FLNB: variants seen among roughly 807,000 people sequenced by gnomAD.
FLNB encodes filamin-B.
A neutral mutation model predicts 250.6 loss-of-function variants in FLNB; 111 were observed. That is an observed-to-expected ratio of 0.44 (90% CI 0.38 to 0.52). The LOEUF is 0.52. Ranked by LOEUF, FLNB falls within the 20% of genes least tolerant of loss-of-function variation. FLNB has a pLI of 0.00. For synonymous variants in FLNB, 1,302 were observed against 1,372.1 expected (o/e 0.95, Z 1.13); for missense variants, 2,869 against 3,447.8 (o/e 0.83, Z 4.20).
In FLNB at chr3:58,143,514, A is replaced by G. The variant is rs2097330706; in HGVS notation, c.5326A>G (p.Ile1776Val). The change falls in exon 32 of 46, where the codon ATT becomes GTT. Residue 1776 changes from isoleucine to valine, a missense_variant. Transcript: ENST00000295956. The stretch of plus-strand genomic sequence containing the variant: ...TTCTGGGAAGACAGCCACACCTGAG[A>G]TTGTGGACAACAAGGACGGCACGGT... ...MPSGKTATPE[I>V]VDNKDGTVTV... The G allele has an allele frequency of 5.0e-6, 8 of 1,614,108 alleles. No individual in the cohort carries two copies. Among genetic ancestry groups the G allele is most frequent in the Non-Finnish European group, 6.8e-6 (8 of 1,180,004 alleles).
intron 1 of FLNB, among the ~76,000 whole-genome samples, chr3:58,041,816 G>A (rs1161234673): frequency 1.3e-5 from 2 of 152,104 alleles, no homozygotes; most frequent in Non-Finnish European, 2.9e-5. Flanking sequence ...TCCCTTAGGA[G>A]GGAAGCTTCC....
chr3:58,147,312 A>C (rs1012445820), intron 34 of FLNB, among the ~76,000 whole-genome samples: 2 of 152,246 alleles, frequency 1.3e-5, no homozygotes, highest in African/African-American at 4.8e-5. Context: ...GAAGTGCATG[A>C]GCTTAGACAT....
intron 4 of FLNB, 51 bp downstream of exon 4, chr3:58,081,827 G>C: frequency 6.3e-7 from 1 of 1,599,268 alleles, no homozygotes; most frequent in Non-Finnish European, 8.6e-7. Context: ...TCTGGTGTTG[G>C]AGATGATTTC....
chr3:58,075,427 T>C (rs535048414), intron 1 of FLNB, among the ~76,000 whole-genome samples: 3 of 152,036 alleles, frequency 2.0e-5, no homozygotes, highest in Non-Finnish European at 4.4e-5. Flanking sequence ...AGAGAACATG[T>C]GAAGAGGTCC....
rs1392622499 is a variant in FLNB at position 58,155,962 on chromosome 3, A to G, written c.6775A>G (p.Asn2259Asp). ...GVSYIAQEPG[N>D]YEVSIKFNDE... Reference sequence around the variant, plus strand: ...ATGGGACTTTCCTGTCCTCATAGGTAACTACGAGGTGTCCATCAAGTTCAA... The same window carrying G: ...ATGGGACTTTCCTGTCCTCATAGGTGACTACGAGGTGTCCATCAAGTTCAA... The change falls in exon 41 of 46, where the codon AAC becomes GAC. Residue 2259 changes from asparagine to aspartate, a missense_variant and splice_region_variant. Around this residue, in one of 5 missense-constraint regions of FLNB, gnomAD observed 1,084 missense variants for 1,315.5 expected, o/e 0.82. Coordinates refer to ENST00000295956, the MANE Select transcript of FLNB (RefSeq NM_001457.4). 1 of 1,607,748 alleles carries G rather than the reference A, an allele frequency of 6.2e-7. No homozygotes were observed. Among genetic ancestry groups the G allele is most frequent in the Non-Finnish European group, 8.5e-7 (1 of 1,174,242 alleles).
chr3:58,141,855 C>G lies in FLNB; in HGVS notation c.5110-3C>G. The G allele has an allele frequency of 6.2e-7, 1 of 1,613,984 alleles. No homozygotes were observed. The highest frequency in any genetic ancestry group is 1.1e-5 in the South Asian group (1 of 91,082). On this transcript the variant is annotated splice_region_variant and splice_polypyrimidine_tract_variant and intron_variant, in intron 29 of 45. Transcript: ENST00000295956. Reference sequence around the variant, plus strand: ...CAACTAATCTCCATTTGCCACTGACCAGGCCACAGATGGGGAAGTCACAGC... The same window carrying G: ...CAACTAATCTCCATTTGCCACTGACGAGGCCACAGATGGGGAAGTCACAGC...
intron 4 of FLNB, among the ~76,000 whole-genome samples, chr3:58,084,815 G>A (rs974255310): frequency 1.3e-5 from 2 of 151,924 alleles, no homozygotes; most frequent in East Asian, 1.9e-4. Context: ...CTGTCTCTAT[G>A]AATTTGCTTA....
intron 3 of FLNB, among the ~76,000 whole-genome samples, chr3:58,081,028 A>G (rs57337941): frequency 0.17 from 25,226 of 151,824 alleles, 4,586 homozygotes; most frequent in African/African-American, 0.43. Context: ...TCCTGACCTC[A>G]AGTGATTTCT....
intron 21 of FLNB, 141 bp from the exon 22 acceptor site, chr3:58,124,191 G>C: frequency 1.2e-6 from 1 of 851,672 alleles, no homozygotes; most frequent in South Asian, 1.4e-5. Context: ...TAATATTCTT[G>C]ATTTGAGAGT....
chr3:58,100,725 A>G (rs1427927722), intron 8 of FLNB, among the ~76,000 whole-genome samples: 1 of 150,988 alleles, frequency 6.6e-6, no homozygotes, highest in South Asian at 2.1e-4. Flanking sequence ...CCACCTGAGT[A>G]GCTGGGACTA....
chr3:58,020,829 T>C (rs1413221197), intron 1 of FLNB, among the ~76,000 whole-genome samples: 1 of 151,670 alleles, frequency 6.6e-6, no homozygotes, highest in Admixed American at 6.6e-5. Context: ...GCAGGCACTA[T>C]GTAAATTTGC....
intron 35 of FLNB, 126 bp downstream of exon 35, chr3:58,148,490 C>A: frequency 7.8e-7 from 1 of 1,289,398 alleles, no homozygotes; most frequent in Non-Finnish European, 1.1e-6. Flanking sequence ...CTGGGTCACA[C>A]GCACGATAAA....
chr3:58,126,853 A>T (rs905678074), intron 24 of FLNB, 91 bp downstream of exon 24: 11 of 1,169,592 alleles, frequency 9.4e-6, no homozygotes, highest in Non-Finnish European at 1.4e-5. Context: ...TGGGGAAAAC[A>T]ATCTGATATT....
intron 1 of FLNB, among the ~76,000 whole-genome samples, chr3:58,045,031 C>T (rs1436622385): frequency 6.6e-6 from 1 of 152,182 alleles, no homozygotes; most frequent in Non-Finnish European, 1.5e-5. Context: ...CTGGCTTCTG[C>T]TGCCCAGAAG....
intron 1 of FLNB, among the ~76,000 whole-genome samples, chr3:58,059,429 C>G (rs2097174871): frequency 6.6e-6 from 1 of 152,072 alleles, no homozygotes; most frequent in Non-Finnish European, 1.5e-5. Flanking sequence ...CTTTTCAGAG[C>G]TAGGTTCAGG....
Position 58,153,621 on chromosome 3 carries a change from G to A in FLNB, c.6614G>A (p.Arg2205Lys). ...CGGGCAGGAGGCCCTGGCCTGGAGA[G>A]AGGAGAAGCGGGAGTCCCAGGTGAG... ...KVRAGGPGLE[R>K]GEAGVPAEFS... Residue 2205 changes from arginine (R) to lysine (K), a missense_variant, in exon 39 of 46, where the codon AGA (arginine) becomes AAA (lysine). Physicochemically the swap from Arg to Lys is conservative, Grantham distance 26. This residue lies in a region of FLNB where 1,084 missense variants were observed against 1,315.5 expected (regional missense o/e 0.82). Coordinates refer to ENST00000295956, the MANE Select transcript of FLNB (RefSeq NM_001457.4). 1 of 1,614,146 alleles carries A rather than the reference G, an allele frequency of 6.2e-7. No homozygotes were observed. The highest frequency in any genetic ancestry group is 1.1e-5 in the South Asian group (1 of 91,086).
rs897772398 is a variant in FLNB at position 58,143,566 on chromosome 3, T to C, written c.5378T>C (p.Val1793Ala). The C allele has an allele frequency of 6.2e-7, 1 of 1,614,026 alleles. No homozygotes were observed. The highest frequency in any genetic ancestry group is 1.1e-5 in the South Asian group (1 of 91,066). Residue 1793 changes from valine (V) to alanine (A), a missense_variant, in exon 32 of 46, where the codon GTC becomes GCC. Transcript: ENST00000295956. ...TVTVRYAPTE[V>A]GLHEMHIKYM... ...ACTGTTAGATATGCCCCCACTGAGG[T>C]CGGGCTCCATGAGATGCACATCAAA...
chr3:58,141,706 C>A (rs976187014), intron 29 of FLNB, 152 bp from the exon 30 acceptor site: 8 of 755,618 alleles, frequency 1.1e-5, no homozygotes, highest in Non-Finnish European at 1.8e-5. Context: ...CAACTGCCTT[C>A]CAAAAGGGCA....
intron 41 of FLNB, among the ~76,000 whole-genome samples, chr3:58,157,167 G>A (rs1205214056): frequency 6.6e-6 from 1 of 152,164 alleles, no homozygotes; most frequent in Admixed American, 6.5e-5. Context: ...AGAACCATCG[G>A]GGATGCCTCT....
Sources: allele counts gnomAD v4.1 joint callset (sites outside exome capture counted in the v4.1 genomes callset), GRCh38; gene constraint gnomAD v4.1.1; regional missense constraint gnomAD v4.1.1; transcripts MANE v1.5; gene names NCBI Gene and HGNC (gene_info 2026-07-23, HGNC 2026-07-21).